The following RNF13 variants were observed in gnomAD, a reference collection of about 807,000 sequenced individuals.
RNF13 encodes ring finger protein 13, also known as E3 ubiquitin-protein ligase RNF13.
In RNF13, 19 loss-of-function variants were observed where a neutral mutation model predicts 37.7. The ratio of observed to expected loss-of-function variants is 0.50; its 90% CI spans 0.35 to 0.74. RNF13 has a LOEUF of 0.74. Ranked by LOEUF, RNF13 falls within the 30% of genes least tolerant of loss-of-function variation. The pLI is 0.01. For synonymous variants in RNF13, 144 were observed against 157.8 expected (o/e 0.91, Z 0.65); for missense variants, 375 against 453.0 (o/e 0.83, Z 1.56).
chr3:149,914,084 G>T (rs187973689), intron 7 of RNF13, among the ~76,000 whole-genome samples: 42 of 152,152 alleles, frequency 2.8e-4, no homozygotes, highest in Non-Finnish European at 4.9e-4. Flanking sequence ...TTATAATCCA[G>T]TAATATTCAT....
chr3:149,816,124 T>G (rs976756083), intron 1 of RNF13, among the ~76,000 whole-genome samples: 1 of 151,092 alleles, frequency 6.6e-6, no homozygotes, highest in Non-Finnish European at 1.5e-5. Flanking sequence ...GGTATGAAAC[T>G]TTAGGGTTCA....
In RNF13 at chr3:149,920,809, T is replaced by TTA. The variant is rs1553767692; in HGVS notation, c.607-325_607-324insTA. On this transcript the variant is annotated intron_variant, in intron 7 of 9. Coordinates refer to ENST00000392894, the MANE Select transcript of RNF13 (RefSeq NM_183381.3). The stretch of plus-strand genomic sequence containing the variant: ...CCCATTCTTTTTTTTTTTTTTTTTT[T>TTA]ACCCATTGGAGTCTTTATAAAATCT... 2.7e-5 allele frequency among the ~76,000 whole-genome samples: 4 copies of TTA among 150,176 alleles called. No homozygotes were observed. The South Asian group carries it at 6.3e-4, about 24-fold the overall frequency.
At chr3:149,959,534 G>A (rs1722181329) in intron 8 of RNF13, among the ~76,000 whole-genome samples, 1 of 152,194 alleles carries the variant, frequency 6.6e-6, no homozygotes, top group African/African-American at 2.4e-5. Flanking sequence ...TGCAAGGTAA[G>A]TTAATCTTTT....
At chr3:149,829,541 GA>G (rs776396133) in intron 1 of RNF13, among the ~76,000 whole-genome samples, 3 of 152,124 alleles carry the variant, frequency 2.0e-5, no homozygotes, top group Admixed American at 6.6e-5. Context: ...AAAAATCTTA[GA>G]TTATGCTTGC....
At chr3:149,894,021 A>G (rs565856983) in intron 4 of RNF13, 1 of 152,286 alleles carries the variant, frequency 6.6e-6, no homozygotes, top group East Asian at 1.9e-4. Context: ...ATTTAAACAC[A>G]TTTAAAAAGT....
chr3:149,894,685 A>C (rs924445417), intron 4 of RNF13, among the ~76,000 whole-genome samples: 1 of 152,120 alleles, frequency 6.6e-6, no homozygotes, highest in African/African-American at 2.4e-5. Context: ...AGTATTCAAA[A>C]CTATGTATAT....
chr3:149,898,245 CTG>C (rs1392911078), intron 5 of RNF13, among the ~76,000 whole-genome samples: 1 of 152,158 alleles, frequency 6.6e-6, no homozygotes, highest in East Asian at 1.9e-4. Context: ...TGAGTCCAGA[CTG>C]TGCAAATATC....
intron 8 of RNF13, among the ~76,000 whole-genome samples, chr3:149,959,139 A>G (rs1416124370): frequency 1.3e-5 from 2 of 152,328 alleles, no homozygotes; most frequent in Admixed American, 1.3e-4. Flanking sequence ...TTTATCTAAC[A>G]TATTCATGTA....
intron 4 of RNF13, among the ~76,000 whole-genome samples, chr3:149,884,702 A>T (rs1021778249): frequency 6.6e-6 from 1 of 152,186 alleles, no homozygotes; most frequent in Non-Finnish European, 1.5e-5. Flanking sequence ...TAATCACATC[A>T]TAGAAAATGG....
intron 8 of RNF13, among the ~76,000 whole-genome samples, chr3:149,922,465 A>G (rs1256772064): frequency 1.3e-5 from 2 of 152,216 alleles, no homozygotes; most frequent in African/African-American, 2.4e-5. Flanking sequence ...GAATTTAAAA[A>G]CAATAATTAA....
chr3:149,817,410 C>T (rs1387255381), intron 1 of RNF13: 1 of 152,178 alleles, frequency 6.6e-6, no homozygotes, highest in African/African-American at 2.4e-5. Flanking sequence ...TAGGGATTCT[C>T]ACCGTAAGAA....
At chr3:149,945,723 T>C (rs1317819639) in intron 8 of RNF13, among the ~76,000 whole-genome samples, 1 of 152,156 alleles carries the variant, frequency 6.6e-6, no homozygotes, top group East Asian at 1.9e-4. Flanking sequence ...ATGAAGCTTC[T>C]GGAGGAACAA....
chr3:149,837,228 CT>C (rs1576738901), intron 1 of RNF13, among the ~76,000 whole-genome samples: 1 of 152,106 alleles, frequency 6.6e-6, no homozygotes, highest in Non-Finnish European at 1.5e-5. Flanking sequence ...ATTTAGTAAA[CT>C]TTTTATTATA....
At chr3:149,912,146 TTGAG>T (rs2108518814) in intron 7 of RNF13, 63 bp downstream of exon 7, 7 of 782,404 alleles carry the variant, frequency 8.9e-6, no homozygotes, top group East Asian at 5.1e-5. Context: ...AAACATTGTA[TTGAG>T]TGAGAGAATT....
chr3:149,895,445 ATTTTTT>A (rs3856613), intron 4 of RNF13, 22 bp from the exon 5 acceptor site: 572 of 1,100,804 alleles, frequency 5.2e-4, no homozygotes, highest in South Asian at 8.4e-4. Flanking sequence ...TTATAACATA[ATTTTTT>A]TTTTTTTTTT....
At chr3:149,820,729 G>T (rs981677988) in intron 1 of RNF13, among the ~76,000 whole-genome samples, 2 of 152,108 alleles carry the variant, frequency 1.3e-5, no homozygotes, top group East Asian at 3.9e-4. Context: ...GCAGTGTTGT[G>T]CAACCATCAC....
At chr3:149,889,626 ATAGAT>A (rs1251286815) in intron 4 of RNF13, among the ~76,000 whole-genome samples, 2 of 151,088 alleles carry the variant, frequency 1.3e-5, no homozygotes, top group African/African-American at 4.9e-5. Context: ...GAATGAATAA[ATAGAT>A]TAACTTGCTG....
intron 3 of RNF13, among the ~76,000 whole-genome samples, chr3:149,857,629 T>C (rs1293402038): frequency 6.6e-6 from 1 of 152,232 alleles, no homozygotes; most frequent in Non-Finnish European, 1.5e-5. Flanking sequence ...TTGGAAAACA[T>C]GTTTTGTCTT....
intron 4 of RNF13, among the ~76,000 whole-genome samples, chr3:149,872,359 A>G (rs1274597344): frequency 6.6e-6 from 1 of 152,226 alleles, no homozygotes; most frequent in Non-Finnish European, 1.5e-5. Context: ...GTGGTTTAAC[A>G]GTGGAATGTT....
Sources: allele counts gnomAD v4.1 joint callset (sites outside exome capture counted in the v4.1 genomes callset), GRCh38; gene constraint gnomAD v4.1.1; transcripts MANE v1.5; gene names NCBI Gene and HGNC (gene_info 2026-07-23, HGNC 2026-07-21).